Variants in IL19 observed in about 807,000 individuals in gnomAD.
IL19 encodes interleukin-19.
Under a neutral mutation model 19.5 loss-of-function variants are expected in IL19, and 15 were observed. The observed-to-expected ratio is 0.77, with a 90% confidence interval of 0.52 to 1.19. The LOEUF is 1.19. Among genes scored for constraint, IL19 ranks in the 50% most tolerant of loss-of-function variants. The probability of loss-of-function intolerance (pLI) is 0.00; values close to 1 mark genes in which losing one functional copy is unlikely to be tolerated. For synonymous variants in IL19, 78 were observed against 78.3 expected (o/e 1.00, Z 0.02); for missense variants, 199 against 213.1 (o/e 0.93, Z 0.41).
intron 2 of IL19, among the ~76,000 whole-genome samples, chr1:206,799,831 T>C (rs961864511): frequency 6.6e-6 from 1 of 152,206 alleles, no homozygotes; most frequent in African/African-American, 2.4e-5. Flanking sequence ...GTGAAGACCC[T>C]CTGATCAATC....
rs557398100 is a variant in IL19 at position 206,820,895 on chromosome 1, C to G, written c.-2-15766C>G. 2.0e-5 allele frequency among the ~76,000 whole-genome samples: 3 copies of G among 152,368 alleles called. No homozygotes were observed. In the East Asian group the frequency reaches 5.8e-4, roughly 29 times the overall value. ...TCATTGACCATCTCTAGGGCTCCAT[C>G]CAGTGTGCCTGTCCTTTTCCATGAA... is the stretch of plus-strand genomic sequence containing the variant. On this transcript the variant is annotated intron_variant, in intron 2 of 6. Transcript: ENST00000659997.
intron 1 of IL19, among the ~76,000 whole-genome samples, chr1:206,776,871 T>C (rs1287348746): frequency 7.7e-6 from 1 of 130,048 alleles, no homozygotes; most frequent in African/African-American, 3.0e-5. Context: ...TCCCTTTGTA[T>C]GGGAGCTCTG....
chr1:206,784,090 A>G (rs1675208894), intron 1 of IL19, among the ~76,000 whole-genome samples: 1 of 152,196 alleles, frequency 6.6e-6, no homozygotes, highest in African/African-American at 2.4e-5. Flanking sequence ...AGGGAGACAG[A>G]GAAGTCAGTC....
chr1:206,788,573 T>A (rs929427796), intron 1 of IL19, among the ~76,000 whole-genome samples: 5 of 151,958 alleles, frequency 3.3e-5, no homozygotes. Flanking sequence ...TGATTTTTGG[T>A]TACATGGATG....
Position 206,839,888 on chromosome 1 carries a change from G to A in IL19, c.249G>A (p.Ala83=), listed in dbSNP as rs916473268. The part of the protein sequence containing the change: ...DVCCVTKNLL[A]FYVDRVFKDH... Reference sequence around the variant, plus strand: ...GCTGCGTGACCAAGAACCTCCTGGCGTTCTACGTGGACAGGGTGTTCAAGG... The same window carrying A: ...GCTGCGTGACCAAGAACCTCCTGGCATTCTACGTGGACAGGGTGTTCAAGG... Residue 83 remains alanine (A), a synonymous_variant, in exon 5 of 7, where the codon GCG becomes GCA. Coordinates refer to ENST00000659997, the MANE Select transcript of IL19 (RefSeq NM_153758.5). The A allele has an allele frequency of 1.5e-5, 24 of 1,613,944 alleles. No homozygotes were observed. The highest frequency in any genetic ancestry group is 6.7e-5 in the East Asian group (3 of 44,894).
chr1:206,812,400 C>T (rs1378656736), intron 2 of IL19, among the ~76,000 whole-genome samples: 2 of 152,140 alleles, frequency 1.3e-5, no homozygotes, highest in African/African-American at 4.8e-5. Flanking sequence ...GATGAGACTA[C>T]CATTTGGCCA....
intron 2 of IL19, among the ~76,000 whole-genome samples, chr1:206,827,491 C>T (rs546832083): frequency 6.3e-4 from 96 of 152,154 alleles, no homozygotes; most frequent in African/African-American, 1.7e-3. Context: ...GAGATCGAGA[C>T]CATCCTGGCT....
intron 2 of IL19, among the ~76,000 whole-genome samples, chr1:206,832,467 C>A (rs373915032): frequency 1.3e-5 from 2 of 152,194 alleles, no homozygotes; most frequent in African/African-American, 2.4e-5. Flanking sequence ...GCATGGTAAC[C>A]TTTCTGAGCA....
At chr1:206,779,839 G>A (rs1044770575) in intron 1 of IL19, among the ~76,000 whole-genome samples, 22 of 148,980 alleles carry the variant, frequency 1.5e-4, no homozygotes, top group African/African-American at 5.0e-4. Context: ...CAAATGATCC[G>A]CATGCTCTCT....
chr1:206,806,961 C>G (rs1675862203), intron 2 of IL19, among the ~76,000 whole-genome samples: 2 of 152,156 alleles, frequency 1.3e-5, no homozygotes, highest in African/African-American at 4.8e-5. Flanking sequence ...ATACCCAAGA[C>G]TGGGTAATTT....
In IL19 at chr1:206,781,945, AG is replaced by A. The variant is rs1254516991; in HGVS notation, c.-149+10868del. ...GTTATATATACATATATATGTATAT[AG>A]TTATATATACATATATATGTATATG... is the stretch of plus-strand genomic sequence containing the variant. On this transcript the variant is annotated intron_variant, in intron 1 of 6. Transcript: ENST00000659997. 3.1e-4 allele frequency among the ~76,000 whole-genome samples: 20 copies of A among 65,154 alleles called. 1 individual carries two copies. Among genetic ancestry groups the A allele is most frequent in the African/African-American group, 9.4e-4 (15 of 15,880 alleles). 42.7% of individuals were successfully genotyped at this position (65,154 alleles called of 152,430 possible). A position where few individuals can be genotyped will look rare whatever the true frequency, so the allele number is the denominator to read the frequency against.
chr1:206,790,671 G>T (rs994091824), intron 1 of IL19, among the ~76,000 whole-genome samples: 1 of 152,116 alleles, frequency 6.6e-6, no homozygotes, highest in Non-Finnish European at 1.5e-5. Flanking sequence ...CAAGTTTAAG[G>T]CTCTGGCAGG....
At chr1:206,833,268 C>T (rs1676672140) in intron 2 of IL19, among the ~76,000 whole-genome samples, 2 of 152,174 alleles carry the variant, frequency 1.3e-5, no homozygotes, top group African/African-American at 4.8e-5. Context: ...AAACAGAGAA[C>T]AAAAAGCAAA....
intron 2 of IL19, among the ~76,000 whole-genome samples, chr1:206,817,518 C>T (rs1676187999): frequency 6.6e-6 from 1 of 152,188 alleles, no homozygotes; most frequent in African/African-American, 2.4e-5. Flanking sequence ...AGCTGGCTAT[C>T]TACATATGTC....
rs373260765 is a variant in IL19 at position 206,842,432 on chromosome 1, AC to A, written c.439-94del. 1.3e-5 allele frequency: 10 copies of A among 743,302 alleles called. No homozygotes were observed. The African/African-American group carries it at 1.4e-4, about 11-fold the overall frequency. 46.0% of individuals were successfully genotyped at this position (743,302 alleles called of 1,614,324 possible). ...TCGTGACAAAAAAACAAAAACAGAAACAAAACCTTGTGGGAACCAGCATATG... is the reference window on the plus strand; with the variant it reads ...TCGTGACAAAAAAACAAAAACAGAAAAAAACCTTGTGGGAACCAGCATATG... On this transcript the variant is annotated intron_variant, in intron 6 of 6. Transcript: ENST00000659997.
In IL19 at chr1:206,842,662, C is replaced by A. The variant is rs781549106; in HGVS notation, c.*40C>A. 4 of 1,263,178 alleles carry A rather than the reference C, an allele frequency of 3.2e-6. No homozygotes were observed. Among genetic ancestry groups the A allele is most frequent in the Non-Finnish European group, 4.5e-6 (4 of 885,878 alleles). The allele number at this position is 1,263,178 out of a possible 1,614,324, so 78.2% of individuals were successfully genotyped here. On this transcript the variant is annotated 3_prime_UTR_variant, in exon 7 of 7. Coordinates refer to ENST00000659997, the MANE Select transcript of IL19 (RefSeq NM_153758.5). ...TATAGTGATCCAGGGATGAACACCC[C>A]CTGTGCGGTTTACTGTGGGAGACAG...
chr1:206,785,519 G>A (rs185801191), intron 1 of IL19, among the ~76,000 whole-genome samples: 6 of 152,308 alleles, frequency 3.9e-5, no homozygotes, highest in Non-Finnish European at 8.8e-5. Flanking sequence ...TGGGACAGGT[G>A]GGGAGGAGAG....
intron 2 of IL19, among the ~76,000 whole-genome samples, chr1:206,824,965 A>G (rs963786896): frequency 1.4e-4 from 22 of 152,214 alleles, no homozygotes; most frequent in African/African-American, 5.3e-4. Flanking sequence ...TGTGTTGGCC[A>G]GGCTGTTCTC....
intron 2 of IL19, among the ~76,000 whole-genome samples, chr1:206,802,982 A>T (rs1675756552): frequency 6.6e-6 from 1 of 152,106 alleles, no homozygotes; most frequent in Non-Finnish European, 1.5e-5. Flanking sequence ...GGCGAGGGGG[A>T]CGTCATTTCC....
Sources: allele counts gnomAD v4.1 joint callset (sites outside exome capture counted in the v4.1 genomes callset), GRCh38; gene constraint gnomAD v4.1.1; transcripts MANE v1.5; gene names NCBI Gene and HGNC (gene_info 2026-07-23, HGNC 2026-07-21).